The following KCNIP4 variants were observed in gnomAD, a reference collection of about 807,000 sequenced individuals.
KCNIP4 encodes Kv channel-interacting protein 4.
A neutral mutation model predicts 34.0 loss-of-function variants in KCNIP4; 12 were observed. The observed-to-expected ratio is 0.35, with a 90% confidence interval of 0.23 to 0.57. The LOEUF (loss-of-function observed/expected upper bound fraction) is 0.57. KCNIP4 is among the 20% of genes least tolerant of loss of function. KCNIP4 has a pLI of 0.83. For missense variants in KCNIP4, 238 were observed against 311.7 expected, an observed-to-expected ratio of 0.76 and a Z score of 1.78; for synonymous variants, 124 against 102.2, an observed-to-expected ratio of 1.21 and a Z score of -1.29.
chr4:20,989,362 G>C (rs1388183251), intron 1 of KCNIP4, among the ~76,000 whole-genome samples: 1 of 152,174 alleles, frequency 6.6e-6, no homozygotes, highest in Non-Finnish European at 1.5e-5. Flanking sequence ...AGGAGGTATA[G>C]AGAGCAGAGT....
At position 21,819,198 on chromosome 4, in the gene KCNIP4, T is replaced by G. The variant is rs571541289; in HGVS notation, c.61+129373A>C. 3.9e-5 allele frequency among the ~76,000 whole-genome samples: 6 copies of G among 152,336 alleles called. No individual in the cohort carries two copies. In the South Asian group the frequency reaches 1.2e-3, roughly 32 times the overall value. ...GCTTCCTGTTGCACTTAGAATCAAGTCAAAGTCTTTTGGAATGTTCTTGAG... is the reference window on the plus strand; with the variant it reads ...GCTTCCTGTTGCACTTAGAATCAAGGCAAAGTCTTTTGGAATGTTCTTGAG... On this transcript the variant is annotated intron_variant, in intron 1 of 8. Transcript: ENST00000382152.
At chr4:21,887,461 T>A (rs1726846136) in intron 1 of KCNIP4, among the ~76,000 whole-genome samples, 1 of 152,050 alleles carries the variant, frequency 6.6e-6, no homozygotes, top group South Asian at 2.1e-4. Flanking sequence ...CAAACCACCA[T>A]CACATTTGGG....
chr4:21,291,867 A>AG (rs1473818150), intron 1 of KCNIP4, among the ~76,000 whole-genome samples: 7 of 51,118 alleles, frequency 1.4e-4, no homozygotes, highest in African/African-American at 3.0e-4. Flanking sequence ...AAAAAAAAAA[A>AG]AAAGAAAGAA....
chr4:20,983,847 G>A, intron 1 of KCNIP4: 1 of 1,536,410 alleles, frequency 6.5e-7, no homozygotes, highest in Non-Finnish European at 8.7e-7. Flanking sequence ...AGCAAATGAA[G>A]AAGCTTCAGA....
intron 1 of KCNIP4, among the ~76,000 whole-genome samples, chr4:21,886,382 T>C (rs913376946): frequency 1.7e-4 from 26 of 152,258 alleles, no homozygotes; most frequent in African/African-American, 6.0e-4. Context: ...CTACATCCTA[T>C]CTTCTCTCCC....
At position 21,399,103 on chromosome 4, in the gene KCNIP4, G is replaced by T. The variant is rs915849412; in HGVS notation, c.62-516394C>A. Among the ~76,000 whole-genome samples, 8 of 152,202 alleles carry T rather than the reference G, an allele frequency of 5.3e-5. No individual in the cohort carries two copies. In the East Asian group the frequency reaches 1.5e-3, roughly 29 times the overall value. On this transcript the variant is annotated intron_variant, in intron 1 of 8. Coordinates refer to ENST00000382152, the MANE Select transcript of KCNIP4 (RefSeq NM_025221.6). ...CATAGCATCCATCTTTCCTTCTCACGTTAGCACCTCAACCTAGATTGTAGG... is the reference window on the plus strand; with the variant it reads ...CATAGCATCCATCTTTCCTTCTCACTTTAGCACCTCAACCTAGATTGTAGG...
At chr4:21,475,650 G>A (rs17464578) in intron 1 of KCNIP4, among the ~76,000 whole-genome samples, 18,996 of 152,104 alleles carry the variant, frequency 0.12, 1,355 homozygotes, top group South Asian at 0.21. Context: ...TCATTTTCAG[G>A]CCTTACAAAA....
intron 1 of KCNIP4, among the ~76,000 whole-genome samples, chr4:21,945,495 T>C (rs879852992): frequency 1.3e-5 from 2 of 152,220 alleles, no homozygotes; most frequent in Non-Finnish European, 2.9e-5. Context: ...TTGCCTTATT[T>C]TTAAAACACA....
At chr4:21,789,264 A>G (rs1246391216) in intron 1 of KCNIP4, among the ~76,000 whole-genome samples, 1 of 152,138 alleles carries the variant, frequency 6.6e-6, no homozygotes, top group African/African-American at 2.4e-5. Flanking sequence ...ATAAATTTTC[A>G]TTTACTTTGG....
At chr4:21,572,470 A>G (rs1740433359) in intron 1 of KCNIP4, among the ~76,000 whole-genome samples, 1 of 152,094 alleles carries the variant, frequency 6.6e-6, no homozygotes, top group South Asian at 2.1e-4. Context: ...AAAAACCACA[A>G]AACTCCCAAT....
At chr4:21,527,439 G>T (rs1008370069) in intron 1 of KCNIP4, among the ~76,000 whole-genome samples, 17 of 152,064 alleles carry the variant, frequency 1.1e-4, no homozygotes, top group Non-Finnish European at 5.9e-5. Context: ...TAATGGAAGG[G>T]GCATGGACTT....
At chr4:20,731,674 T>C (rs781123363) in intron 8 of KCNIP4, 6 of 985,158 alleles carry the variant, frequency 6.1e-6, no homozygotes, top group Non-Finnish European at 7.2e-6. Flanking sequence ...AATATATGAG[T>C]GATGCTAAGT....
At chr4:21,814,851 C>T (rs1212432062) in intron 1 of KCNIP4, among the ~76,000 whole-genome samples, 1 of 152,118 alleles carries the variant, frequency 6.6e-6, no homozygotes, top group Non-Finnish European at 1.5e-5. Flanking sequence ...ACAGGAAATA[C>T]CATCCTGATA....
intron 1 of KCNIP4, among the ~76,000 whole-genome samples, chr4:21,248,375 G>C (rs1760445947): frequency 6.6e-6 from 1 of 152,038 alleles, no homozygotes; most frequent in Admixed American, 6.6e-5. Flanking sequence ...AATATATAAA[G>C]ATCGTCTTTA....
chr4:20,988,373 G>A (rs1736783123), intron 1 of KCNIP4, among the ~76,000 whole-genome samples: 1 of 152,204 alleles, frequency 6.6e-6, no homozygotes, highest in African/African-American at 2.4e-5. Flanking sequence ...AAGAGAGAGG[G>A]TCAGTAGACT....
At chr4:21,190,388 G>A (rs935055806) in intron 1 of KCNIP4, among the ~76,000 whole-genome samples, 2 of 152,104 alleles carry the variant, frequency 1.3e-5, no homozygotes, top group Non-Finnish European at 2.9e-5. Flanking sequence ...CAGCAGTATT[G>A]GTTAATATGA....
At position 21,907,340 on chromosome 4, in the gene KCNIP4, G is replaced by A. The variant is rs764065407; in HGVS notation, c.61+41231C>T. ...TTCACACACACTAGCTTGGTCTTCC[G>A]CTTTTCCACCATGTTATGAGGCAGT... On this transcript the variant is annotated intron_variant, in intron 1 of 8. Coordinates refer to ENST00000382152, the MANE Select transcript of KCNIP4 (RefSeq NM_025221.6). 1.4e-4 allele frequency among the ~76,000 whole-genome samples: 21 copies of A among 152,058 alleles called. No individual in the cohort carries two copies. The South Asian group carries it at 1.9e-3, about 14-fold the overall frequency.
intron 1 of KCNIP4, among the ~76,000 whole-genome samples, chr4:21,870,388 T>C (rs1578093900): frequency 1.3e-5 from 2 of 152,194 alleles, no homozygotes; most frequent in East Asian, 3.9e-4. Flanking sequence ...TAGGGTCCCG[T>C]ATGCACAACT....
intron 1 of KCNIP4, among the ~76,000 whole-genome samples, chr4:21,824,185 T>A (rs533300727): frequency 1.3e-5 from 2 of 152,150 alleles, no homozygotes; most frequent in African/African-American, 2.4e-5. Flanking sequence ...TTCCTGGATA[T>A]AGGCCAAAAT....
Sources: allele counts gnomAD v4.1 joint callset (sites outside exome capture counted in the v4.1 genomes callset), GRCh38; gene constraint gnomAD v4.1.1; transcripts MANE v1.5; gene names NCBI Gene and HGNC (gene_info 2026-07-23, HGNC 2026-07-21).